Variants in ZNF217 observed in about 807,000 individuals in gnomAD.
ZNF217 encodes the protein zinc finger protein 217.
In ZNF217, 12 loss-of-function variants were observed where a neutral mutation model predicts 73.3. The ratio of observed to expected loss-of-function variants is 0.16; its 90% CI spans 0.10 to 0.27. The LOEUF (loss-of-function observed/expected upper bound fraction) is 0.27, where lower values mean the gene tolerates loss of function less well. Ranked by LOEUF, ZNF217 falls within the 10% of genes least tolerant of loss-of-function variation. The pLI is 1.00. For missense variants in ZNF217, 1,195 were observed against 1,327.8 expected (o/e 0.90, Z 1.55); for synonymous variants, 588 against 516.4 (o/e 1.14, Z -1.88).
intron 4 of ZNF217, chr20:53,574,240 C>CA (rs1342734116): frequency 6.6e-6 from 1 of 152,152 alleles, no homozygotes; most frequent in Admixed American, 6.5e-5. Flanking sequence ...TTTAGTCCCG[C>CA]AGTTGGTTGA....
chr20:53,575,695 G>C, intron 4 of ZNF217, 32 bp downstream of exon 4: 1 of 1,522,458 alleles, frequency 6.6e-7, no homozygotes, highest in Non-Finnish European at 8.8e-7. Context: ...ACTGTAGGCA[G>C]CCATTTAAAC....
intron 1 of ZNF217, among the ~76,000 whole-genome samples, chr20:53,584,514 G>T (rs1214249109): frequency 6.6e-6 from 1 of 152,216 alleles, no homozygotes; most frequent in Non-Finnish European, 1.5e-5. Flanking sequence ...AGAATGTCCT[G>T]AAGTCTTTTC....
At position 53,578,518 on chromosome 20, in the gene ZNF217, T is replaced by TA. The variant is rs1469305626; in HGVS notation, c.1367-69dup. On this transcript the variant is annotated intron_variant, in intron 2 of 5. Coordinates refer to ENST00000371471, the MANE Select transcript of ZNF217 (RefSeq NM_006526.3). ...AGTACCTGAATAAGGCATGCTGACT[T>TA]AAATATTCTTGACATAAACATTTTT... 3.1e-6 allele frequency: 3 copies of TA among 954,004 alleles called. No homozygotes were observed. The African/African-American group carries it at 5.1e-5, about 16-fold the overall frequency. The allele number at this position is 954,004 out of a possible 1,614,324, so 59.1% of individuals were successfully genotyped here.
At position 53,582,897 on chromosome 20, in the gene ZNF217, C is replaced by G. The variant is rs920336244; in HGVS notation, c.-71G>C. 6.8e-7 allele frequency: 1 copy of G among 1,477,938 alleles called. No individual in the cohort carries two copies. The highest frequency in any genetic ancestry group is 1.3e-5 in the South Asian group (1 of 74,294). The allele number at this position is 1,477,938 out of a possible 1,614,324, so 91.6% of individuals were successfully genotyped here. A position where few individuals can be genotyped will look rare whatever the true frequency, so the allele number is the denominator to read the frequency against. ...CCACTTGTAAGACTTGTCACTCACC[C>G]CTCTAACAGCCCTGGGTTCCAAAAA... On this transcript the variant is annotated 5_prime_UTR_variant, in exon 2 of 6. Transcript: ENST00000371471. The surrounding 1 kb of genome is among the most constrained non-coding windows in gnomAD (Gnocchi z 4.8).
chr20:53,590,059 A>AT (rs1384159712), intron 1 of ZNF217, among the ~76,000 whole-genome samples: 1 of 152,132 alleles, frequency 6.6e-6, no homozygotes, highest in Non-Finnish European at 1.5e-5. Context: ...TGTTCTGTAA[A>AT]TACCTTTCAG....
chr20:53,572,014 T>A (rs917605260), intron 4 of ZNF217, among the ~76,000 whole-genome samples, 161 bp from the exon 5 acceptor site: 4 of 152,178 alleles, frequency 2.6e-5, no homozygotes, highest in African/African-American at 9.7e-5. Flanking sequence ...AGCTGAATTG[T>A]TTTTATGACA....
Position 53,571,748 on chromosome 20 carries a change from GT to G in ZNF217, c.3142del (p.Thr1048LeufsTer59). On this transcript the variant is annotated frameshift_variant, in exon 5 of 6. Coordinates refer to ENST00000371471, the MANE Select transcript of ZNF217 (RefSeq NM_006526.3). LOFTEE classifies it high-confidence loss of function. ...NAHYRPNDKK[T>X] ...TTTTTCCCCCTAATTAGTGAATCAA[GT>G]TTTTTTGTCATTTGGTCGATAATGT... 6.2e-7 allele frequency: 1 copy of G among 1,607,864 alleles called. No individual in the cohort carries two copies. The highest frequency in any genetic ancestry group is 8.5e-7 in the Non-Finnish European group (1 of 1,178,248).
rs1988030668 is a variant in ZNF217 at position 53,571,961 on chromosome 20, C to A, written c.3038-108G>T. On this transcript the variant is annotated intron_variant, in intron 4 of 5. Transcript: ENST00000371471. ...AAATTTCTGACACTGATAATGTAAT[C>A]AACGCCTAAGTCACACAGTCGCATG... 4 of 1,135,540 alleles carry A rather than the reference C, an allele frequency of 3.5e-6. No individual in the cohort carries two copies. The South Asian group carries it at 7.3e-5, about 21-fold the overall frequency. 70.3% of individuals were successfully genotyped at this position (1,135,540 alleles called of 1,614,324 possible). A position where few individuals can be genotyped will look rare whatever the true frequency, so the allele number is the denominator to read the frequency against.
In ZNF217 at chr20:53,576,339, C is replaced by G. The variant is rs775380752; in HGVS notation, c.2425G>C (p.Asp809His). 1 of 1,614,202 alleles carries G rather than the reference C, an allele frequency of 6.2e-7. No individual in the cohort carries two copies. Among genetic ancestry groups the G allele is most frequent in the East Asian group, 2.2e-5 (1 of 44,880 alleles). Residue 809 changes from aspartate to histidine, a missense_variant, in exon 4 of 6, where the codon GAC becomes CAC. Asp to His is a moderately conservative substitution (Grantham distance 81). Around this residue, in one of 9 missense-constraint regions of ZNF217, gnomAD observed 649 missense variants for 642.8 expected, o/e 1.01. Transcript: ENST00000371471. The part of the protein sequence containing the change: ...PGKAPLTSGI[D>H]SSTLAPSNLK... ...TTACTTGGGGCTAAAGTGCTAGAGT[C>G]TATCCCTGAAGTCAGAGGGGCCTTG...
intron 5 of ZNF217, chr20:53,570,472 AAG>A (rs1171904496): frequency 6.5e-6 from 1 of 152,696 alleles, no homozygotes; most frequent in Non-Finnish European, 1.5e-5. Context: ...TTTACGGGAC[AAG>A]AGTTACCTGA....
chr20:53,575,649 C>T, intron 4 of ZNF217, 78 bp downstream of exon 4: 1 of 1,378,478 alleles, frequency 7.3e-7, no homozygotes, highest in Admixed American at 2.6e-5. Flanking sequence ...GGAGTGGTAC[C>T]ATCTCCACTG....
chr20:53,571,928 A>G, intron 4 of ZNF217, 75 bp from the exon 5 acceptor site: 1 of 1,442,704 alleles, frequency 6.9e-7, no homozygotes, highest in Non-Finnish European at 9.2e-7. Context: ...TTTAGAAGTC[A>G]ATTTTCAAAA....
intron 2 of ZNF217, among the ~76,000 whole-genome samples, chr20:53,579,232 A>T (rs1057320384): frequency 2.6e-5 from 4 of 152,182 alleles, no homozygotes; most frequent in African/African-American, 9.7e-5. Flanking sequence ...AGCCCTCCAA[A>T]AGACAATCAG....
Position 53,576,963 on chromosome 20 carries a change from C to G in ZNF217, c.1801G>C (p.Asp601His), listed in dbSNP as rs547656629. Residue 601 changes from aspartate to histidine, a missense_variant, in exon 4 of 6, where the codon GAT becomes CAT. This residue lies in a region of ZNF217 where 649 missense variants were observed against 642.8 expected (regional missense o/e 1.01). Transcript: ENST00000371471. ...TCATCAGCTGCATTTTTATGGAAATCCTGAGTATCTTTGTGTGCTGGTGAG... is the reference window on the plus strand; with the variant it reads ...TCATCAGCTGCATTTTTATGGAAATGCTGAGTATCTTTGTGTGCTGGTGAG... ...VLSPAHKDTQ[D>H]FHKNAADDSA... 6 of 1,614,122 alleles carry G rather than the reference C, an allele frequency of 3.7e-6. No homozygotes were observed. The South Asian group carries it at 6.6e-5, about 18-fold the overall frequency.
intron 5 of ZNF217, 30 bp downstream of exon 5, chr20:53,571,691 C>T: frequency 6.3e-7 from 1 of 1,597,564 alleles, no homozygotes; most frequent in East Asian, 2.2e-5. Context: ...CTCAGCCAAT[C>T]CAGTGTTTTT....
Position 53,571,852 on chromosome 20 carries a change from T to C in ZNF217, c.3039A>G (p.Gly1013=), listed in dbSNP as rs766318863. Residue 1013 remains glycine (G), a splice_region_variant and synonymous_variant, in exon 5 of 6, where the codon GGA becomes GGG. Coordinates refer to ENST00000371471, the MANE Select transcript of ZNF217 (RefSeq NM_006526.3). ...AGTGTTGATATGACACAGGCCTTTT[T>C]CCTGATTGAAAAAAAAAACATATTT... ...GSPASSSTLE[G]KRPVSYQHLS... is the part of the protein sequence containing the mutation. 1.3e-6 allele frequency: 2 copies of C among 1,589,644 alleles called. No individual in the cohort carries two copies. Among genetic ancestry groups the C allele is most frequent in the East Asian group, 2.3e-5 (1 of 44,442 alleles).
chr20:53,587,557 T>C (rs1188230423), intron 1 of ZNF217, among the ~76,000 whole-genome samples: 1 of 151,778 alleles, frequency 6.6e-6, no homozygotes, highest in Non-Finnish European at 1.5e-5. Flanking sequence ...ATAATACAGC[T>C]TTGAATAAGG....
At chr20:53,570,128 G>A (rs1469478656) in intron 5 of ZNF217, 1 of 152,216 alleles carries the variant, frequency 6.6e-6, no homozygotes, top group East Asian at 1.9e-4. Flanking sequence ...CAGTTGTAAT[G>A]GATGCTTCGA....
chr20:53,575,827 A>C lies in ZNF217; in HGVS notation c.2937T>G (p.Asp979Glu). Reference sequence around the variant, plus strand: ...TCTGAACAGTCAGCACATTTGGAGAATCGACCTCGCTGGAGCTCAGGAACC... The same window carrying C: ...TCTGAACAGTCAGCACATTTGGAGACTCGACCTCGCTGGAGCTCAGGAACC... ...KPRFLSSSEV[D>E]SPNVLTVQKP... The change falls in exon 4 of 6, where the codon GAT becomes GAG. Residue 979 changes from aspartate to glutamate, a missense_variant. By Grantham distance (45) the Asp-to-Glu change is conservative. Around this residue, in one of 9 missense-constraint regions of ZNF217, gnomAD observed 649 missense variants for 642.8 expected, o/e 1.01. Transcript: ENST00000371471. 1.2e-6 allele frequency: 2 copies of C among 1,614,212 alleles called. No homozygotes were observed. Among genetic ancestry groups the C allele is most frequent in the Admixed American group, 1.7e-5 (1 of 60,026 alleles).
Sources: allele counts gnomAD v4.1 joint callset (sites outside exome capture counted in the v4.1 genomes callset), GRCh38; gene constraint gnomAD v4.1.1; regional missense constraint gnomAD v4.1.1; non-coding constraint Gnocchi (gnomAD v3.1); transcripts MANE v1.5; gene names NCBI Gene and HGNC (gene_info 2026-07-23, HGNC 2026-07-21).